Variants in GPR153 observed in about 807,000 individuals in gnomAD.
GPR153 encodes G protein-coupled receptor 153.
In GPR153, 27 loss-of-function variants were observed where a neutral mutation model predicts 34.1. The observed-to-expected ratio is 0.79, with a 90% confidence interval of 0.58 to 1.09. The LOEUF is 1.09. GPR153 is among the 50% of genes least tolerant of loss of function. The probability of loss-of-function intolerance (pLI) is 0.00; values close to 1 mark genes in which losing one functional copy is unlikely to be tolerated. For missense variants in GPR153, 848 were observed against 860.2 expected (o/e 0.99, Z 0.18); for synonymous variants, 408 against 405.4 (o/e 1.01, Z -0.08).
rs144345295 is a variant in GPR153 at position 6,253,999 on chromosome 1, C to T, written c.505G>A (p.Gly169Ser). Residue 169 changes from glycine to serine, a missense_variant, in exon 3 of 6, where the codon GGC becomes AGC. Coordinates refer to ENST00000377893, the MANE Select transcript of GPR153 (RefSeq NM_207370.4). ...HGCRFIVAEI[G>S]LGFGVCFLLL... The stretch of plus-strand genomic sequence containing the variant: ...AGGAAGCAGACGCCAAAGCCCAGGC[C>T]GATCTCAGCCACGATGAAGCGGCAG... 131 of 1,613,360 alleles carry T rather than the reference C, an allele frequency of 8.1e-5. No individual in the cohort carries two copies. The East Asian group carries it at 2.6e-3, about 32-fold the overall frequency.
In GPR153 at chr1:6,250,470, G is replaced by A. The variant is rs1203471244; in HGVS notation, c.1134C>T (p.Pro378=). 2 of 1,608,436 alleles carry A rather than the reference G, an allele frequency of 1.2e-6. No homozygotes were observed. Among genetic ancestry groups the A allele is most frequent in the Non-Finnish European group, 1.7e-6 (2 of 1,177,884 alleles). Reference sequence around the variant, plus strand: ...GGTATTGCATCTTGTCCTCCTGCAAGGGCCGCAGTGGGTAGAGCTGGGGCA... The same window carrying A: ...GGTATTGCATCTTGTCCTCCTGCAAAGGCCGCAGTGGGTAGAGCTGGGGCA... The part of the protein sequence containing the change: ...GGLPQLYPLR[P]LQEDKMQYLQ... Residue 378 remains proline (P), a synonymous_variant, in exon 5 of 6, where the codon CCC becomes CCT. Transcript: ENST00000377893.
intron 1 of GPR153, 23 bp from the exon 2 acceptor site, chr1:6,255,037 A>G (rs979381667): frequency 3.4e-6 from 2 of 593,146 alleles, no homozygotes; most frequent in Non-Finnish European, 5.7e-6. Context: ...GGCAGTGGGC[A>G]CTCAGTGACT....
In GPR153 at chr1:6,249,977, G is replaced by A. The variant is rs1459438519; in HGVS notation, c.1191C>T (p.His397=). 1 of 1,274,058 alleles carries A rather than the reference G, an allele frequency of 7.8e-7. No homozygotes were observed. Among genetic ancestry groups the A allele is most frequent in the Non-Finnish European group, 1.0e-6 (1 of 1,004,182 alleles). The allele number at this position is 1,274,058 out of a possible 1,614,324, so 78.9% of individuals were successfully genotyped here. A position where few individuals can be genotyped will look rare whatever the true frequency, so the allele number is the denominator to read the frequency against. ...CGGCGGCCCACACGTCCGCATCGTC[G>A]TGGGAGAAGCGCCGCGTGGGCGGGA... ...LQVPPTRRFS[H]DDADVWAAVP... The change falls in exon 6 of 6, where the codon CAC becomes CAT. Residue 397 remains histidine, a synonymous_variant. Coordinates refer to ENST00000377893, the MANE Select transcript of GPR153 (RefSeq NM_207370.4). The surrounding 1 kb of genome is among the most constrained non-coding windows in gnomAD (Gnocchi z 4.3).
rs183164699 is a variant in GPR153, at chr1:6,256,064, G to A, written c.-109-1050C>T. On this transcript the variant is annotated intron_variant, in intron 1 of 5. Coordinates refer to ENST00000377893, the MANE Select transcript of GPR153 (RefSeq NM_207370.4). ...CCCGCCTTGGTCTCCCAAAGTGTTG[G>A]GATTACAGGCGTGAGCCATAGTGCC... Among the ~76,000 whole-genome samples, 10 of 152,288 alleles carry A rather than the reference G, an allele frequency of 6.6e-5. No homozygotes were observed. The East Asian group carries it at 1.9e-3, about 29-fold the overall frequency.
At chr1:6,254,337 C>G (rs1258053378) in intron 2 of GPR153, among the ~76,000 whole-genome samples, 190 bp from the exon 3 acceptor site, 1 of 152,178 alleles carries the variant, frequency 6.6e-6, no homozygotes, top group Non-Finnish European at 1.5e-5. Flanking sequence ...GTCACACGTC[C>G]CTCTTCCAAG....
chr1:6,260,206 C>A (rs941753926), intron 1 of GPR153, among the ~76,000 whole-genome samples: 4 of 152,164 alleles, frequency 2.6e-5, no homozygotes, highest in Non-Finnish European at 5.9e-5. Flanking sequence ...GCTCTGGCTG[C>A]GCCCCGGCTT....
At chr1:6,260,640 C>T (rs1484108064) in intron 1 of GPR153, among the ~76,000 whole-genome samples, 185 bp downstream of exon 1, 1 of 151,856 alleles carries the variant, frequency 6.6e-6, no homozygotes, top group African/African-American at 2.4e-5. Flanking sequence ...GAGGGAGGGG[C>T]TGGCCCCAGG....
chr1:6,255,440 G>A (rs1032558345), intron 1 of GPR153, among the ~76,000 whole-genome samples: 7 of 151,220 alleles, frequency 4.6e-5, no homozygotes, highest in Non-Finnish European at 7.4e-5. Context: ...CTCGTAATCT[G>A]CCCGCCTCGG....
Position 6,253,778 on chromosome 1 carries a change from G to A in GPR153, c.726C>T (p.Thr242=). The change falls in exon 3 of 6, where the codon ACC becomes ACT. Residue 242 remains threonine (T), a synonymous_variant. Transcript: ENST00000377893. Reference sequence around the variant, plus strand: ...AGACTATGGTGGTCACGAGGCCCGTGGTCTGCAGAGAGGTTTTGGCGGGCT... The same window carrying A: ...AGACTATGGTGGTCACGAGGCCCGTAGTCTGCAGAGAGGTTTTGGCGGGCT... ...GSEPAKTSLQ[T]TGLVTTIVFI... The A allele has an allele frequency of 1.9e-6, 3 of 1,555,570 alleles. No homozygotes were observed. Among genetic ancestry groups the A allele is most frequent in the Non-Finnish European group, 1.7e-6 (2 of 1,148,230 alleles).
intron 3 of GPR153, among the ~76,000 whole-genome samples, chr1:6,252,450 G>T (rs980841352): frequency 6.6e-6 from 1 of 152,166 alleles, no homozygotes; most frequent in Non-Finnish European, 1.5e-5. Flanking sequence ...TGCCTTGTGG[G>T]TCTCTGCTGT....
rs750201501 is a variant in GPR153 at position 6,251,534 on chromosome 1, T to C, written c.787-4A>G. 5 of 1,588,408 alleles carry C rather than the reference T, an allele frequency of 3.1e-6. No individual in the cohort carries two copies. The highest frequency in any genetic ancestry group is 4.3e-6 in the Non-Finnish European group (5 of 1,169,276). On this transcript the variant is annotated splice_region_variant and splice_polypyrimidine_tract_variant and intron_variant, in intron 3 of 5. Coordinates refer to ENST00000377893, the MANE Select transcript of GPR153 (RefSeq NM_207370.4). This position sits in a 1 kb window ranked among gnomAD's most constrained non-coding sequence, Gnocchi z 4.9. ...GCAGGCTGCTGAAGCTCACCACCTG[T>C]GGGCACAGGGCTCGGCCTGGCACCT...
intron 1 of GPR153, among the ~76,000 whole-genome samples, chr1:6,257,375 G>A (rs1638589149): frequency 6.6e-6 from 1 of 152,238 alleles, no homozygotes; most frequent in Non-Finnish European, 1.5e-5. Context: ...TGACCACCCT[G>A]AGAGGGGGCA....
Position 6,249,990 on chromosome 1 carries a change from C to G in GPR153, c.1178G>C (p.Arg393Pro), listed in dbSNP as rs1250209223. ...GTCCGCATCGTCGTGGGAGAAGCGCCGCGTGGGCGGGACCTGTCAGGACGC... is the reference window on the plus strand; with the variant it reads ...GTCCGCATCGTCGTGGGAGAAGCGCGGCGTGGGCGGGACCTGTCAGGACGC... ...KMQYLQVPPT[R>P]RFSHDDADVW... The change falls in exon 6 of 6, where the codon CGG becomes CCG. Residue 393 changes from arginine to proline, a missense_variant. Transcript: ENST00000377893. This position sits in a 1 kb window ranked among gnomAD's most constrained non-coding sequence, Gnocchi z 4.3. 7.9e-7 allele frequency: 1 copy of G among 1,261,624 alleles called. No homozygotes were observed. The highest frequency in any genetic ancestry group is 1.0e-6 in the Non-Finnish European group (1 of 997,116). The allele number at this position is 1,261,624 out of a possible 1,614,324, so 78.2% of individuals were successfully genotyped here.
rs1457101473 is a variant in GPR153, at chr1:6,254,917, GAGCTGGCAGGCGGC to G, written c.-26_-13del. ...CGCTCATCACTCATGGTGCAGACCG[GAGCTGGCAGGCGGC>G]TGTGGCATCCTCCTTGGAGCCAGGT... is the stretch of plus-strand genomic sequence containing the variant. On this transcript the variant is annotated 5_prime_UTR_variant, in exon 2 of 6. Coordinates refer to ENST00000377893, the MANE Select transcript of GPR153 (RefSeq NM_207370.4). 1.3e-6 allele frequency: 2 copies of G among 1,517,990 alleles called. No individual in the cohort carries two copies. The highest frequency in any genetic ancestry group is 1.8e-6 in the Non-Finnish European group (2 of 1,132,978). The allele number at this position is 1,517,990 out of a possible 1,614,324, so 94.0% of individuals were successfully genotyped here.
At chr1:6,255,853 C>T (rs1265597938) in intron 1 of GPR153, among the ~76,000 whole-genome samples, 1 of 151,866 alleles carries the variant, frequency 6.6e-6, no homozygotes, top group Non-Finnish European at 1.5e-5. Flanking sequence ...GGGGTTTCAC[C>T]ATGTTGGTCA....
intron 3 of GPR153, among the ~76,000 whole-genome samples, chr1:6,252,418 T>G (rs2281260): frequency 0.57 from 86,874 of 152,008 alleles, 27,948 homozygotes; most frequent in Admixed American, 0.71. Context: ...TCCCCACCAC[T>G]GCCCCCACTC....
intron 5 of GPR153, 115 bp downstream of exon 5, chr1:6,250,325 C>CA (rs1030713639): frequency 1.4e-6 from 2 of 1,452,078 alleles, no homozygotes; most frequent in African/African-American, 2.9e-5. Flanking sequence ...CGGATGGTGA[C>CA]AGCCACCCCT....
chr1:6,250,093 G>A (rs1638407687), intron 5 of GPR153, 90 bp from the exon 6 acceptor site: 8 of 1,288,066 alleles, frequency 6.2e-6, no homozygotes, highest in Non-Finnish European at 7.9e-6. Context: ...GCCTTCCGTG[G>A]GTCAGGGACC....
chr1:6,255,226 T>G (rs1638540180), intron 1 of GPR153, among the ~76,000 whole-genome samples: 1 of 150,850 alleles, frequency 6.6e-6, no homozygotes, highest in African/African-American at 2.4e-5. Flanking sequence ...GGAGACAGAG[T>G]CTCGCTCCGT....
Sources: allele counts gnomAD v4.1 joint callset (sites outside exome capture counted in the v4.1 genomes callset), GRCh38; gene constraint gnomAD v4.1.1; non-coding constraint Gnocchi (gnomAD v3.1); transcripts MANE v1.5; gene names NCBI Gene and HGNC (gene_info 2026-07-23, HGNC 2026-07-21).